The following SLC11A2 variants were observed in gnomAD, a reference collection of about 807,000 sequenced individuals.
The protein encoded by SLC11A2 is natural resistance-associated macrophage protein 2.
Under a neutral mutation model 68.0 loss-of-function variants are expected in SLC11A2, and 38 were observed. That is an observed-to-expected ratio of 0.56 (90% CI 0.43 to 0.73). The LOEUF (loss-of-function observed/expected upper bound fraction) is 0.73. Ranked by LOEUF, SLC11A2 falls within the 30% of genes least tolerant of loss-of-function variation. SLC11A2 has a pLI of 0.00. For synonymous variants in SLC11A2, 242 were observed against 250.6 expected, an observed-to-expected ratio of 0.97 and a Z score of 0.32; for missense variants, 517 against 690.5, an observed-to-expected ratio of 0.75 and a Z score of 2.82.
intron 6 of SLC11A2, 29 bp downstream of exon 6, chr12:51,000,284 T>G (rs762785917): frequency 6.7e-7 from 1 of 1,485,166 alleles, no homozygotes; most frequent in Non-Finnish European, 9.4e-7. Context: ...AGCAAAACAC[T>G]GATGACTTTC....
At chr12:50,952,334 T>A in the SLC11A2 span, among the ~76,000 whole-genome samples, 1 of 152,132 alleles carries the variant, frequency 6.6e-6, no homozygotes, top group South Asian at 2.1e-4. Context: ...AGACACACAG[T>A]TCTTTGTACT....
chr12:50,978,220 T>G (rs1939876379), downstream of SLC11A2, among the ~76,000 whole-genome samples: 1 of 150,138 alleles, frequency 6.7e-6, no homozygotes, highest in Non-Finnish European at 1.5e-5. Flanking sequence ...CTATTCACAA[T>G]AGCAAAGACC....
At chr12:51,014,630 T>A (rs1455685899) in intron 1 of SLC11A2, among the ~76,000 whole-genome samples, 1 of 152,196 alleles carries the variant, frequency 6.6e-6, no homozygotes, top group African/African-American at 2.4e-5. Context: ...AGTGGGCGGA[T>A]CACCTGAGGT....
chr12:50,973,435 C>T, the SLC11A2 span, among the ~76,000 whole-genome samples: 7 of 152,308 alleles, frequency 4.6e-5, no homozygotes, highest in Non-Finnish European at 7.3e-5. Flanking sequence ...AGGGTCCTGA[C>T]TGTTAGAAGG....
At chr12:51,026,264 G>T in intron 1 of SLC11A2, 46 bp downstream of exon 1, 1 of 1,210,678 alleles carries the variant, frequency 8.3e-7, no homozygotes, top group Non-Finnish European at 1.1e-6. Context: ...GCCCCTCCCT[G>T]CCAGCGAGCG....
chr12:51,026,507 C>T (rs1282061398), upstream of SLC11A2: 3 of 493,622 alleles, frequency 6.1e-6, no homozygotes, highest in African/African-American at 2.1e-5. Context: ...GCTCCGCCCA[C>T]GCGGAGTCTG....
At chr12:51,003,533 CAG>C (rs1276677416) in intron 5 of SLC11A2, among the ~76,000 whole-genome samples, 1 of 149,616 alleles carries the variant, frequency 6.7e-6, no homozygotes, top group African/African-American at 2.5e-5. Flanking sequence ...GCCTGGGCAA[CAG>C]AGTGAGATTC....
chr12:50,984,903 A>ATAC (rs1367726766), downstream of SLC11A2, among the ~76,000 whole-genome samples: 11 of 152,192 alleles, frequency 7.2e-5, no homozygotes, highest in African/African-American at 2.7e-4. Context: ...CATGAAGGGT[A>ATAC]TACTATATAT....
chr12:51,000,659 T>C (rs1380304625), intron 5 of SLC11A2: 10 of 587,028 alleles, frequency 1.7e-5, no homozygotes, highest in Non-Finnish European at 3.0e-5. Flanking sequence ...AAGGCAGTAA[T>C]TGATCTTACT....
intron 9 of SLC11A2, among the ~76,000 whole-genome samples, chr12:50,996,510 G>T (rs1169506611): frequency 1.3e-5 from 2 of 151,698 alleles, no homozygotes; most frequent in African/African-American, 4.9e-5. Context: ...GGGAGGGAGA[G>T]GTTTGCAGTG....
intron 1 of SLC11A2, among the ~76,000 whole-genome samples, chr12:51,021,833 A>G (rs1944064361): frequency 6.6e-6 from 1 of 152,210 alleles, no homozygotes; most frequent in Non-Finnish European, 1.5e-5. Flanking sequence ...GGAAGAGTAC[A>G]GCTGATAATG....
At chr12:50,995,112 A>T (rs2136211754) in intron 10 of SLC11A2, 1 of 232,148 alleles carries the variant, frequency 4.3e-6, no homozygotes, top group East Asian at 1.2e-4. Context: ...GGAGTTTGAG[A>T]CCAGCCTGGC....
At chr12:50,960,891 G>C in the SLC11A2 span, 3 of 1,281,158 alleles carry the variant, frequency 2.3e-6, no homozygotes, top group South Asian at 5.0e-5. Flanking sequence ...TGTTGCCCAG[G>C]CTGTTTTCAA....
chr12:50,984,116 T>C (rs1451735074), downstream of SLC11A2, among the ~76,000 whole-genome samples: 2 of 150,662 alleles, frequency 1.3e-5, no homozygotes, highest in African/African-American at 4.9e-5. Flanking sequence ...GTGACAAAGC[T>C]CGACTCCATC....
At chr12:50,958,573 G>A in the SLC11A2 span, among the ~76,000 whole-genome samples, 2 of 151,638 alleles carry the variant, frequency 1.3e-5, no homozygotes, top group Admixed American at 6.6e-5. Context: ...GAGCCACCGC[G>A]CCCGGCCTAA....
chr12:50,957,939 T>TGG, the SLC11A2 span, among the ~76,000 whole-genome samples: 1 of 63,072 alleles, frequency 1.6e-5, no homozygotes, highest in African/African-American at 1.0e-4. Context: ...GAATTGGAGG[T>TGG]GTGTGTGTGT....
At chr12:51,001,987 A>G (rs1180037051) in intron 5 of SLC11A2, among the ~76,000 whole-genome samples, 1 of 152,198 alleles carries the variant, frequency 6.6e-6, no homozygotes, top group Non-Finnish European at 1.5e-5. Flanking sequence ...AATACAGCTG[A>G]AAATCAGATT....
At position 50,991,682 on chromosome 12, in the gene SLC11A2, A is replaced by G. The variant is rs189993499; in HGVS notation, c.1348-10T>C. On this transcript the variant is annotated splice_polypyrimidine_tract_variant and intron_variant, in intron 13 of 15. Transcript: ENST00000262052. ...TGAGAGCAAAGGGAAGCTGGAAAAG[A>G]AAGAAGATCAGATGGGATTACTATG... 1.5e-4 allele frequency: 235 copies of G among 1,611,126 alleles called. 4 individuals are homozygous for G. The East Asian group carries it at 3.7e-3, about 25-fold the overall frequency.
the SLC11A2 span, among the ~76,000 whole-genome samples, chr12:50,965,287 AT>A: frequency 4.8e-3 from 649 of 134,532 alleles, no homozygotes; most frequent in East Asian, 0.011. Context: ...CTAATTTTTA[AT>A]TTTTTTTTTT....
Sources: gnomAD v4.1 joint callset for allele counts (sites outside exome capture counted in the v4.1 genomes callset) on GRCh38, gnomAD v4.1.1 for gene constraint, MANE v1.5 for transcripts, NCBI Gene and HGNC (gene_info 2026-07-23, HGNC 2026-07-21) for gene names.